The following CNTNAP2 variants were observed in gnomAD, a reference collection of about 807,000 sequenced individuals.
CNTNAP2 encodes the protein contactin-associated protein-like 2.
A neutral mutation model predicts 155.2 loss-of-function variants in CNTNAP2; 98 were observed. The ratio of observed to expected loss-of-function variants is 0.63; its 90% CI spans 0.54 to 0.75. The LOEUF (loss-of-function observed/expected upper bound fraction) is 0.75, where lower values mean the gene tolerates loss of function less well. CNTNAP2 is among the 30% of genes least tolerant of loss of function. The pLI, the probability that CNTNAP2 is intolerant of heterozygous loss-of-function variation, is 0.00. For synonymous variants in CNTNAP2, 651 were observed against 631.2 expected (o/e 1.03, Z -0.47); for missense variants, 1,727 against 1,688.1 (o/e 1.02, Z -0.40).
At chr7:146,218,365 C>T (rs970443078) in intron 1 of CNTNAP2, among the ~76,000 whole-genome samples, 3 of 151,972 alleles carry the variant, frequency 2.0e-5, no homozygotes, top group South Asian at 2.1e-4. Flanking sequence ...AAAAATTAGC[C>T]GGGCGTGGTG....
At chr7:147,177,414 G>A (rs1421405584) in intron 8 of CNTNAP2, among the ~76,000 whole-genome samples, 1 of 152,132 alleles carries the variant, frequency 6.6e-6, no homozygotes, top group African/African-American at 2.4e-5. Context: ...GCTGCCCTGT[G>A]AAGAGGTGCC....
chr7:147,547,059 A>G (rs1562990845), intron 11 of CNTNAP2, among the ~76,000 whole-genome samples: 1 of 152,158 alleles, frequency 6.6e-6, no homozygotes, highest in African/African-American at 2.4e-5. Context: ...TGGGGCCAAA[A>G]GGATATAAAT....
At chr7:146,687,039 G>A (rs966180863) in intron 1 of CNTNAP2, among the ~76,000 whole-genome samples, 3 of 152,240 alleles carry the variant, frequency 2.0e-5, no homozygotes, top group Middle Eastern at 6.8e-3. Flanking sequence ...TCTTCTGAGC[G>A]AGGTGCATGA....
chr7:148,090,414 A>G (rs1189481903), intron 15 of CNTNAP2, among the ~76,000 whole-genome samples: 1 of 152,122 alleles, frequency 6.6e-6, no homozygotes, highest in African/African-American at 2.4e-5. Context: ...CAGTAGTAAG[A>G]AAACAAATAA....
intron 1 of CNTNAP2, among the ~76,000 whole-genome samples, chr7:146,660,289 G>T (rs1481643213): frequency 6.6e-6 from 1 of 152,172 alleles, no homozygotes; most frequent in Admixed American, 6.5e-5. Flanking sequence ...AGACCAGTCA[G>T]CTGGTACCCA....
intron 16 of CNTNAP2, among the ~76,000 whole-genome samples, chr7:148,143,223 G>A (rs1207045101): frequency 6.6e-6 from 1 of 152,122 alleles, no homozygotes; most frequent in Non-Finnish European, 1.5e-5. Context: ...CCTCACTTTG[G>A]ACCTCAAACT....
chr7:147,702,354 A>T (rs1796248759), intron 13 of CNTNAP2, among the ~76,000 whole-genome samples: 1 of 152,160 alleles, frequency 6.6e-6, no homozygotes, highest in Non-Finnish European at 1.5e-5. Flanking sequence ...ATCAGAAAAA[A>T]ATACAACTTT....
At chr7:146,122,573 G>A (rs114310218) in intron 1 of CNTNAP2, among the ~76,000 whole-genome samples, 3,782 of 152,254 alleles carry the variant, frequency 0.025, 121 homozygotes, top group African/African-American at 0.078. Flanking sequence ...TTAGAAACTA[G>A]TAAAGAATAA....
At chr7:148,057,635 A>C (rs1803046048) in intron 15 of CNTNAP2, among the ~76,000 whole-genome samples, 1 of 152,222 alleles carries the variant, frequency 6.6e-6, no homozygotes, top group Non-Finnish European at 1.5e-5. Context: ...TGTGAATAAT[A>C]GAGAAGAAAG....
At chr7:146,935,848 G>A (rs1241220527) in intron 3 of CNTNAP2, among the ~76,000 whole-genome samples, 5 of 152,096 alleles carry the variant, frequency 3.3e-5, no homozygotes, top group Non-Finnish European at 7.4e-5. Context: ...TGATCTATTT[G>A]ATTTTAAGTG....
At chr7:147,841,691 G>C (rs1044217075) in intron 13 of CNTNAP2, among the ~76,000 whole-genome samples, 1 of 152,190 alleles carries the variant, frequency 6.6e-6, no homozygotes. Flanking sequence ...CAAGTCCCAA[G>C]TGGGAATAAT....
At chr7:147,051,184 GTA>G (rs10567949) in intron 4 of CNTNAP2, among the ~76,000 whole-genome samples, 2,258 of 98,386 alleles carry the variant, frequency 0.023, 41 homozygotes, top group African/African-American at 0.062. Flanking sequence ...ACATATATAT[GTA>G]TATATATATA....
In CNTNAP2 at chr7:148,337,463, G is replaced by C. The variant is rs886970; in HGVS notation, c.3476-46186G>C. On this transcript the variant is annotated intron_variant, in intron 21 of 23. Transcript: ENST00000361727. The stretch of plus-strand genomic sequence containing the variant: ...TCCCTGACAGCCCTGGATCTAGCGA[G>C]AATCAGGTGATTTCGATGTGAAACG... Among the ~76,000 whole-genome samples the C allele has an allele frequency of 6.7e-3, 1,013 of 152,312 alleles. 7 individuals are homozygous for C. Among genetic ancestry groups the C allele is most frequent in the Non-Finnish European group, 0.011 (773 of 68,034 alleles).
At chr7:146,831,456 T>A (rs796651637) in intron 2 of CNTNAP2, among the ~76,000 whole-genome samples, 4 of 151,940 alleles carry the variant, frequency 2.6e-5, no homozygotes, top group African/African-American at 7.2e-5. Flanking sequence ...GGTGGGCGGA[T>A]CATGAGGTCG....
intron 9 of CNTNAP2, among the ~76,000 whole-genome samples, chr7:147,383,902 CTAAA>C (rs1189035392): frequency 1.3e-5 from 2 of 151,910 alleles, no homozygotes; most frequent in Admixed American, 1.3e-4. Flanking sequence ...ACATATGTAA[CTAAA>C]TAAACCAATG....
chr7:147,375,516 A>G (rs1279539976), intron 9 of CNTNAP2, among the ~76,000 whole-genome samples: 1 of 152,034 alleles, frequency 6.6e-6, no homozygotes, highest in Non-Finnish European at 1.5e-5. Context: ...TTAGGGAGGA[A>G]CAGAAGGTTA....
chr7:147,258,211 A>G (rs34809640), intron 8 of CNTNAP2, among the ~76,000 whole-genome samples: 5,472 of 152,194 alleles, frequency 0.036, 132 homozygotes, highest in Non-Finnish European at 0.052. Context: ...TTTTTATTTT[A>G]TTTTTAAATT....
intron 1 of CNTNAP2, among the ~76,000 whole-genome samples, chr7:146,119,447 C>G (rs1797532041): frequency 6.6e-6 from 1 of 152,108 alleles, no homozygotes; most frequent in South Asian, 2.1e-4. Context: ...AAGCTCATCA[C>G]TATGGTTATG....
rs571121572 is a variant in CNTNAP2, at chr7:147,830,874, A to G, written c.2099-72691A>G. 5.9e-5 allele frequency among the ~76,000 whole-genome samples: 9 copies of G among 152,336 alleles called. No homozygotes were observed. The South Asian group carries it at 1.7e-3, about 28-fold the overall frequency. On this transcript the variant is annotated intron_variant, in intron 13 of 23. Transcript: ENST00000361727. ...TTATGAGTAAGCATGGTGAAAACCC[A>G]TTTTCTAAGAAACAGAAGAGATGGC...
Sources: gnomAD v4.1 joint callset for allele counts (sites outside exome capture counted in the v4.1 genomes callset) on GRCh38, gnomAD v4.1.1 for gene constraint, MANE v1.5 for transcripts, NCBI Gene and HGNC (gene_info 2026-07-23, HGNC 2026-07-21) for gene names.